The following PHF21A variants were observed in gnomAD, a reference collection of about 807,000 sequenced individuals.
PHF21A encodes PHD finger protein 21A, also known as BHC80a.
Under a neutral mutation model 82.5 loss-of-function variants are expected in PHF21A, and 11 were observed. The ratio of observed to expected loss-of-function variants is 0.13; its 90% CI spans 0.08 to 0.22. The LOEUF is 0.22. PHF21A is among the 10% of genes least tolerant of loss of function. PHF21A has a pLI of 1.00. For missense variants in PHF21A, 579 were observed against 837.8 expected (o/e 0.69, Z 3.81); for synonymous variants, 297 against 302.8 (o/e 0.98, Z 0.20).
chr11:46,023,388 G>C (rs1291819396), intron 6 of PHF21A, among the ~76,000 whole-genome samples: 1 of 152,116 alleles, frequency 6.6e-6, no homozygotes, highest in Non-Finnish European at 1.5e-5. Flanking sequence ...AGGGATTTAG[G>C]TAACATTTCG....
intron 9 of PHF21A, among the ~76,000 whole-genome samples, chr11:45,965,909 C>T (rs1050885443): frequency 6.6e-6 from 1 of 152,118 alleles, no homozygotes; most frequent in Non-Finnish European, 1.5e-5. Flanking sequence ...CCACCCAGAA[C>T]TTGTGCACAG....
At chr11:46,061,232 G>A (rs1247233907) in intron 6 of PHF21A, among the ~76,000 whole-genome samples, 4 of 152,144 alleles carry the variant, frequency 2.6e-5, no homozygotes, top group Non-Finnish European at 5.9e-5. Context: ...TTTGAAGTCG[G>A]TTAGCATGAT....
chr11:46,042,504 A>G (rs1792508941), intron 6 of PHF21A, among the ~76,000 whole-genome samples: 1 of 152,126 alleles, frequency 6.6e-6, no homozygotes, highest in Non-Finnish European at 1.5e-5. Context: ...ATCCTAGAAA[A>G]CCGAAGAAAG....
At chr11:46,056,090 AT>A (rs1419332848) in intron 6 of PHF21A, among the ~76,000 whole-genome samples, 1 of 152,066 alleles carries the variant, frequency 6.6e-6, no homozygotes, top group South Asian at 2.1e-4. Context: ...AAATAAAGTT[AT>A]TGCTTCTCTG....
intron 6 of PHF21A, among the ~76,000 whole-genome samples, chr11:46,020,447 C>A (rs55879730): frequency 5.3e-5 from 8 of 152,278 alleles, no homozygotes; most frequent in Non-Finnish European, 1.0e-4. Flanking sequence ...CGTGTACATA[C>A]GCAGCGGATG....
At chr11:46,036,658 T>C (rs2096010327) in intron 6 of PHF21A, among the ~76,000 whole-genome samples, 1 of 152,226 alleles carries the variant, frequency 6.6e-6, no homozygotes, top group African/African-American at 2.4e-5. Flanking sequence ...GGTTTCTTGC[T>C]TTTCTGACTC....
At chr11:46,012,523 T>TA (rs1372316375) in intron 6 of PHF21A, among the ~76,000 whole-genome samples, 3 of 152,204 alleles carry the variant, frequency 2.0e-5, no homozygotes, top group Non-Finnish European at 2.9e-5. Flanking sequence ...TATTTGGTCT[T>TA]ACGCAAGTTA....
At position 45,949,390 on chromosome 11, in the gene PHF21A, G is replaced by A. The variant is rs556033432; in HGVS notation, c.1227+12C>T. The A allele has an allele frequency of 6.2e-6, 10 of 1,607,532 alleles. No homozygotes were observed. Among genetic ancestry groups the A allele is most frequent in the Non-Finnish European group, 8.5e-6 (10 of 1,173,944 alleles). On this transcript the variant is annotated intron_variant, in intron 13 of 18. Transcript: ENST00000676320. Reference sequence around the variant, plus strand: ...GAACATGAGGGAAGGGCCAGATGCTGGCCAGTAATACCTCTGGCTCAAAGA... The same window carrying A: ...GAACATGAGGGAAGGGCCAGATGCTAGCCAGTAATACCTCTGGCTCAAAGA...
At chr11:45,964,667 T>G (rs911299676) in intron 10 of PHF21A, among the ~76,000 whole-genome samples, 1 of 152,220 alleles carries the variant, frequency 6.6e-6, no homozygotes, top group Admixed American at 6.5e-5. Flanking sequence ...TAAATCCTTC[T>G]TGTTTTCAGA....
chr11:46,110,595 T>C (rs2097200842), intron 1 of PHF21A, among the ~76,000 whole-genome samples: 1 of 152,202 alleles, frequency 6.6e-6, no homozygotes, highest in Non-Finnish European at 1.5e-5. Flanking sequence ...ACTATTTTTC[T>C]CCTTATATTT....
intron 7 of PHF21A, among the ~76,000 whole-genome samples, chr11:45,972,950 C>T (rs1006938201): frequency 2.4e-4 from 36 of 151,722 alleles, no homozygotes; most frequent in African/African-American, 7.3e-5. Flanking sequence ...TGGTGGCAGG[C>T]GCCTGTAATC....
At chr11:46,042,518 T>C (rs76252309) in intron 6 of PHF21A, among the ~76,000 whole-genome samples, 14,941 of 152,134 alleles carry the variant, frequency 0.098, 902 homozygotes, top group African/African-American at 0.17. Context: ...AAGAAAGAGA[T>C]TGGTGAAATG....
intron 1 of PHF21A, among the ~76,000 whole-genome samples, chr11:46,107,999 T>A (rs994718975): frequency 9.2e-5 from 14 of 152,308 alleles, no homozygotes; most frequent in Admixed American, 6.5e-4. Context: ...ATGTAGGGTA[T>A]CTTTACGCTG....
intron 6 of PHF21A, among the ~76,000 whole-genome samples, chr11:46,053,537 ATATAAT>A (rs1030570839): frequency 1.3e-5 from 2 of 151,962 alleles, no homozygotes; most frequent in South Asian, 2.1e-4. Context: ...TTCATTATAT[ATATAAT>A]TATATGTATA....
intron 6 of PHF21A, among the ~76,000 whole-genome samples, chr11:45,998,336 G>A (rs757992048): frequency 1.1e-4 from 17 of 152,142 alleles, no homozygotes; most frequent in Non-Finnish European, 2.2e-4. Flanking sequence ...AAGGATGTTA[G>A]GGCCATGGAT....
At chr11:46,041,990 G>A (rs1278882018) in intron 6 of PHF21A, among the ~76,000 whole-genome samples, 1 of 152,010 alleles carries the variant, frequency 6.6e-6, no homozygotes, top group African/African-American at 2.4e-5. Context: ...TTAAAATCCT[G>A]TATGTCTGTT....
chr11:46,100,064 T>A (rs998546942), intron 1 of PHF21A, among the ~76,000 whole-genome samples: 1 of 152,220 alleles, frequency 6.6e-6, no homozygotes, highest in Non-Finnish European at 1.5e-5. Context: ...ACTGGGAATT[T>A]TAACTTTTGA....
At chr11:45,973,430 G>A (rs574594248) in intron 7 of PHF21A, among the ~76,000 whole-genome samples, 6 of 152,246 alleles carry the variant, frequency 3.9e-5, no homozygotes, top group South Asian at 4.2e-4. Flanking sequence ...TGCCTTATGC[G>A]CATATACACA....
chr11:46,069,075 C>T (rs2096627361), intron 6 of PHF21A, among the ~76,000 whole-genome samples: 1 of 152,212 alleles, frequency 6.6e-6, no homozygotes, highest in Admixed American at 6.5e-5. Flanking sequence ...TAATACAGCA[C>T]TGGGAACCAC....
Sources: gnomAD v4.1 joint callset for allele counts (sites outside exome capture counted in the v4.1 genomes callset) on GRCh38, gnomAD v4.1.1 for gene constraint, MANE v1.5 for transcripts, NCBI Gene and HGNC (gene_info 2026-07-23, HGNC 2026-07-21) for gene names.